SPINK14: variants seen among roughly 807,000 people sequenced by gnomAD.
SPINK14 encodes serine peptidase inhibitor Kazal type 14 (putative), also known as serine protease inhibitor Kazal-type 14.
Under a neutral mutation model 14.2 loss-of-function variants are expected in SPINK14, and 6 were observed. The observed-to-expected ratio is 0.42, with a 90% CI of 0.23 to 0.83. The LOEUF (loss-of-function observed/expected upper bound fraction) is 0.83. Among genes scored for constraint, SPINK14 ranks in the 40% least tolerant of loss-of-function variants. The pLI, the probability that SPINK14 is intolerant of heterozygous loss-of-function variation, is 0.28. For synonymous variants in SPINK14, 34 were observed against 36.8 expected (o/e 0.92, Z 0.27); for missense variants, 86 against 108.3 (o/e 0.79, Z 0.91).
At chr5:148,171,025 T>C (rs971826999) in intron 3 of SPINK14, 52 bp downstream of exon 3, 2 of 1,548,080 alleles carry the variant, frequency 1.3e-6, no homozygotes, top group African/African-American at 2.8e-5. Flanking sequence ...TATGAGTTCT[T>C]TTTTTTTGGA....
In SPINK14 at chr5:148,174,009, TA is replaced by T. The variant is rs879797379; in HGVS notation, c.112-212del. On this transcript the variant is annotated intron_variant, in intron 3 of 4. Transcript: ENST00000356972. ...GCGTGCACCACCATGCCAGGCTAATTAAAAAAAAAAAAACTGGAGAGACAGG... is the reference window on the plus strand; with the variant it reads ...GCGTGCACCACCATGCCAGGCTAATTAAAAAAAAAAAACTGGAGAGACAGG... Among the ~76,000 whole-genome samples, 45 of 80,538 alleles carry T rather than the reference TA, an allele frequency of 5.6e-4. 7 individuals carry two copies. Among genetic ancestry groups the T allele is most frequent in the East Asian group, 2.8e-3 (10 of 3,544 alleles). 52.8% of individuals were successfully genotyped at this position (80,538 alleles called of 152,430 possible). A position where few individuals can be genotyped will look rare whatever the true frequency, so the allele number is the denominator to read the frequency against.
In SPINK14 at chr5:148,174,185, C is replaced by T. The variant is rs1294874105; in HGVS notation, c.112-49C>T. 14 of 1,034,744 alleles carry T rather than the reference C, an allele frequency of 1.4e-5. 5 individuals are homozygous for T. The highest frequency in any genetic ancestry group is 1.9e-5 in the Non-Finnish European group (14 of 741,846). 64.1% of individuals were successfully genotyped at this position (1,034,744 alleles called of 1,614,324 possible). A position where few individuals can be genotyped will look rare whatever the true frequency, so the allele number is the denominator to read the frequency against. On this transcript the variant is annotated intron_variant, in intron 3 of 4. Coordinates refer to ENST00000356972, the MANE Select transcript of SPINK14 (RefSeq NM_001001325.2). ...CTAATAAAGTTCAAAGGTGACCTACCTGTCTAAGTGGGATTCTAACTGGAT... is the reference window on the plus strand; with the variant it reads ...CTAATAAAGTTCAAAGGTGACCTACTTGTCTAAGTGGGATTCTAACTGGAT...
intron 3 of SPINK14, 131 bp downstream of exon 3, chr5:148,171,104 G>T: frequency 1.2e-6 from 1 of 811,910 alleles, no homozygotes. Context: ...TTGTACGAGG[G>T]TGGTGGATAC....
intron 3 of SPINK14, among the ~76,000 whole-genome samples, chr5:148,173,900 A>T (rs1159490860): frequency 1.4e-5 from 1 of 72,638 alleles, no homozygotes; most frequent in Admixed American, 1.4e-4. Context: ...TGTGTTGCCT[A>T]GGCTGGAGTG....
intron 3 of SPINK14, among the ~76,000 whole-genome samples, chr5:148,172,887 CA>C (rs1251660300): frequency 6.6e-6 from 1 of 151,948 alleles, no homozygotes; most frequent in Non-Finnish European, 1.5e-5. Flanking sequence ...GGGCAGAAAG[CA>C]AGGTAGTATC....
Position 148,169,783 on chromosome 5 carries a change from T to C in SPINK14, c.51T>C (p.His17=). ...VFSLLSFILI[H]LVLSSVSGPR... is the part of the protein sequence containing the mutation. ...CACTTTTGTCCTTTATCTTGATACA[T>C]TTGGTGTTATCTTCTGGTGAGTAAT... Residue 17 remains histidine, a synonymous_variant, in exon 2 of 5, where the codon CAT becomes CAC. Coordinates refer to ENST00000356972, the MANE Select transcript of SPINK14 (RefSeq NM_001001325.2). The C allele has an allele frequency of 1.2e-6, 2 of 1,611,262 alleles. No individual in the cohort carries two copies. Among genetic ancestry groups the C allele is most frequent in the Non-Finnish European group, 1.7e-6 (2 of 1,178,514 alleles).
At chr5:148,173,251 A>T (rs1278763600) in intron 3 of SPINK14, among the ~76,000 whole-genome samples, 4 of 152,062 alleles carry the variant, frequency 2.6e-5, no homozygotes, top group Non-Finnish European at 2.9e-5. Flanking sequence ...CATGACACTT[A>T]TGGAGTCCCT....
intron 3 of SPINK14, among the ~76,000 whole-genome samples, chr5:148,172,029 C>T (rs997229385): frequency 1.3e-5 from 2 of 152,100 alleles, no homozygotes; most frequent in Non-Finnish European, 2.9e-5. Context: ...CAGTTATATT[C>T]CTTTTCCTCA....
At chr5:148,172,105 A>C (rs966395066) in intron 3 of SPINK14, among the ~76,000 whole-genome samples, 4 of 152,174 alleles carry the variant, frequency 2.6e-5, no homozygotes, top group Non-Finnish European at 5.9e-5. Flanking sequence ...TTATAAATAC[A>C]AGAAATAAAA....
chr5:148,175,388 G>A lies in SPINK14; in HGVS notation c.284G>A (p.Gly95Glu). The A allele has an allele frequency of 6.2e-7, 1 of 1,605,424 alleles. No individual in the cohort carries two copies. Among genetic ancestry groups the A allele is most frequent in the East Asian group, 2.2e-5 (1 of 44,660 alleles). Residue 95 changes from glycine (G) to glutamate (E), a missense_variant, in exon 5 of 5, where the codon GGA becomes GAA. Transcript: ENST00000356972. ...SHGRIRFYHD[G>E]KC The stretch of plus-strand genomic sequence containing the variant: ...GGAAGAATCAGGTTTTACCATGATG[G>A]AAAATGTTAGCTGAGTGGACTTGAA...
Position 148,170,173 on chromosome 5 carries a change from TACACAC to T in SPINK14, c.67+392_67+397del, listed in dbSNP as rs376416343. 2.6e-3 allele frequency among the ~76,000 whole-genome samples: 347 copies of T among 133,854 alleles called. 1 individual carries two copies. Among genetic ancestry groups the T allele is most frequent in the African/African-American group, 9.9e-3 (337 of 34,012 alleles). 87.8% of individuals were successfully genotyped at this position (133,854 alleles called of 152,430 possible). A position where few individuals can be genotyped will look rare whatever the true frequency, so the allele number is the denominator to read the frequency against. On this transcript the variant is annotated intron_variant, in intron 2 of 4. Transcript: ENST00000356972. ...CATACTCAGAGTATATATATATATA[TACACAC>T]ACACACACACACACACATACATATA...
rs115028758 is a variant in SPINK14 at position 148,169,692 on chromosome 5, A to G, written c.-41A>G. 831 of 1,538,862 alleles carry G rather than the reference A, an allele frequency of 5.4e-4. 3 individuals are homozygous for G. The highest frequency in any genetic ancestry group is 3.6e-3 in the Admixed American group (210 of 58,324). On this transcript the variant is annotated 5_prime_UTR_variant, in exon 2 of 5. Coordinates refer to ENST00000356972, the MANE Select transcript of SPINK14 (RefSeq NM_001001325.2). ...TATTAGAGGGCAACAACCTGAGACA[A>G]TATTTCAGAGCATCATTCCAAGGAC...
At chr5:148,174,118 A>T in intron 3 of SPINK14, 116 bp from the exon 4 acceptor site, 1 of 568,804 alleles carries the variant, frequency 1.8e-6, no homozygotes, top group Non-Finnish European at 2.8e-6. Context: ...TGTTGGAATG[A>T]CAGGCATGAG....
intron 3 of SPINK14, among the ~76,000 whole-genome samples, chr5:148,173,272 G>A (rs1561721497): frequency 6.6e-6 from 1 of 152,046 alleles, no homozygotes; most frequent in Admixed American, 6.6e-5. Flanking sequence ...GAGAACACTA[G>A]CCTCAAGCTT....
chr5:148,168,783 T>C (rs980346933), intron 1 of SPINK14, among the ~76,000 whole-genome samples: 1 of 152,112 alleles, frequency 6.6e-6, no homozygotes, highest in Admixed American at 6.6e-5. Flanking sequence ...TACAAAGAAC[T>C]TGCAATCATC....
intron 3 of SPINK14, among the ~76,000 whole-genome samples, chr5:148,172,860 T>C (rs547482324): frequency 1.3e-5 from 2 of 152,022 alleles, no homozygotes; most frequent in South Asian, 4.2e-4. Context: ...AAAAGCAAAC[T>C]AACGAACTTA....
At chr5:148,172,865 A>G (rs1755125455) in intron 3 of SPINK14, among the ~76,000 whole-genome samples, 2 of 152,066 alleles carry the variant, frequency 1.3e-5, no homozygotes, top group Non-Finnish European at 2.9e-5. Flanking sequence ...CAAACTAACG[A>G]ACTTACTAAA....
chr5:148,169,298 T>C (rs1321952534), intron 1 of SPINK14, among the ~76,000 whole-genome samples: 1 of 150,782 alleles, frequency 6.6e-6, no homozygotes, highest in Non-Finnish European at 1.5e-5. Context: ...TATTGAGAAG[T>C]TCATGTTGTC....
rs138165274 is a variant in SPINK14, at chr5:148,174,905, C to T, written c.249-448C>T. ...TTCCTATATGAGTGAGTGCATTTCACAGAGAGAAAAATTTTCCCCATGGCA... is the reference window on the plus strand; with the variant it reads ...TTCCTATATGAGTGAGTGCATTTCATAGAGAGAAAAATTTTCCCCATGGCA... On this transcript the variant is annotated intron_variant, in intron 4 of 4. Coordinates refer to ENST00000356972, the MANE Select transcript of SPINK14 (RefSeq NM_001001325.2). Among the ~76,000 whole-genome samples, 940 of 152,188 alleles carry T rather than the reference C, an allele frequency of 6.2e-3. 11 individuals carry two copies. The highest frequency in any genetic ancestry group is 7.3e-3 in the Non-Finnish European group (496 of 67,986).
Sources: gnomAD v4.1 joint callset for allele counts (sites outside exome capture counted in the v4.1 genomes callset) on GRCh38, gnomAD v4.1.1 for gene constraint, MANE v1.5 for transcripts, NCBI Gene and HGNC (gene_info 2026-07-23, HGNC 2026-07-21) for gene names.